Variants in AIG1 observed in about 807,000 individuals in gnomAD.
The protein encoded by AIG1 is androgen induced 1.
AIG1 carries 23 observed loss-of-function variants against 31.4 expected under a neutral mutation model. The observed-to-expected ratio is 0.73, with a 90% CI of 0.53 to 1.04. The LOEUF is 1.04. Ranked by LOEUF, AIG1 falls within the 50% of genes least tolerant of loss-of-function variation. The pLI, the probability that AIG1 is intolerant of heterozygous loss-of-function variation, is 0.00. For synonymous variants in AIG1, 100 were observed against 110.5 expected, an observed-to-expected ratio of 0.90 and a Z score of 0.60; for missense variants, 274 against 295.0, an observed-to-expected ratio of 0.93 and a Z score of 0.52.
chr6:143,176,273 G>A (rs977601777), intron 3 of AIG1, among the ~76,000 whole-genome samples: 3 of 152,180 alleles, frequency 2.0e-5, no homozygotes, highest in African/African-American at 7.2e-5. Flanking sequence ...TTTTGTGTTG[G>A]TTGGCCTCCA....
intron 2 of AIG1, among the ~76,000 whole-genome samples, chr6:143,159,523 C>T (rs749356787): frequency 9.2e-5 from 14 of 152,178 alleles, no homozygotes; most frequent in Non-Finnish European, 1.8e-4. Flanking sequence ...GGGCAGAATT[C>T]ATAGCATAAA....
chr6:143,076,857 G>A (rs1009884509), intron 1 of AIG1, among the ~76,000 whole-genome samples: 1 of 152,148 alleles, frequency 6.6e-6, no homozygotes, highest in Non-Finnish European at 1.5e-5. Flanking sequence ...ATTTTTGGTA[G>A]AGACAGGGTT....
At chr6:143,147,481 G>T (rs909225606) in intron 2 of AIG1, among the ~76,000 whole-genome samples, 5 of 152,038 alleles carry the variant, frequency 3.3e-5, no homozygotes, top group Non-Finnish European at 7.4e-5. Context: ...AGACTGCATT[G>T]ATACACGCAC....
rs891380082 is a variant in AIG1, at chr6:143,326,476, A to T, written c.516-6806A>T. On this transcript the variant is annotated intron_variant, in intron 4 of 5. Transcript: ENST00000357847. The surrounding 1 kb of genome is among the most constrained non-coding windows in gnomAD (Gnocchi z 4.5). The stretch of plus-strand genomic sequence containing the variant: ...CTTCTAGTGTGTGACAGGCATTCTG[A>T]TAAGTGCTGAGGATCCAAGGAGAGG... Among the ~76,000 whole-genome samples the T allele has an allele frequency of 2.0e-5, 3 of 152,164 alleles. No homozygotes were observed.
At position 143,297,097 on chromosome 6, in the gene AIG1, G is replaced by GA. The variant is rs58961434; in HGVS notation, c.515+12876dup. Among the ~76,000 whole-genome samples, 41,477 of 152,062 alleles carry GA rather than the reference G, an allele frequency of 0.27. 7,324 individuals are homozygous for GA. The highest frequency in any genetic ancestry group is 0.5 in the African/African-American group (20,635 of 41,418). Reference sequence around the variant, plus strand: ...AGTTGATAACTGCTATTTGCAAGAGGAAAATAGAGTCTACGGAAGGTTCTC... The same window carrying GA: ...AGTTGATAACTGCTATTTGCAAGAGGAAAAATAGAGTCTACGGAAGGTTCTC... On this transcript the variant is annotated intron_variant, in intron 4 of 5. Transcript: ENST00000357847. This position sits in a 1 kb window ranked among gnomAD's most constrained non-coding sequence, Gnocchi z 5.1.
chr6:143,181,012 C>A (rs907567341), intron 3 of AIG1, among the ~76,000 whole-genome samples: 2 of 152,110 alleles, frequency 1.3e-5, no homozygotes, highest in African/African-American at 2.4e-5. Flanking sequence ...TGATGTTATT[C>A]TTTTGGTAGA....
chr6:143,126,846 T>G (rs1351988767), intron 1 of AIG1, among the ~76,000 whole-genome samples: 1 of 152,162 alleles, frequency 6.6e-6, no homozygotes, highest in Non-Finnish European at 1.5e-5. Flanking sequence ...TATGTATGTT[T>G]TATATGTACA....
chr6:143,183,196 C>CTTT (rs35379724), intron 3 of AIG1, among the ~76,000 whole-genome samples: 5 of 132,868 alleles, frequency 3.8e-5, no homozygotes, highest in African/African-American at 5.6e-5. Context: ...CGGACAATGG[C>CTTT]TTTTTTTTTT....
At chr6:143,177,714 C>G (rs1788302321) in intron 3 of AIG1, among the ~76,000 whole-genome samples, 1 of 152,274 alleles carries the variant, frequency 6.6e-6, no homozygotes, top group Middle Eastern at 3.4e-3. Flanking sequence ...GCAGGTCTAC[C>G]ACTGGAGTGG....
chr6:143,157,271 G>T lies in AIG1; in HGVS notation c.298-7811G>T, dbSNP rs1364983834. 3.3e-5 allele frequency among the ~76,000 whole-genome samples: 5 copies of T among 152,166 alleles called. No homozygotes were observed. The East Asian group carries it at 9.6e-4, about 29-fold the overall frequency. ...TCTCTGAAGGTGTAGGCCCTCTGCGGGCCAGGCTCCTCTGGCTTAATTTCC... is the reference window on the plus strand; with the variant it reads ...TCTCTGAAGGTGTAGGCCCTCTGCGTGCCAGGCTCCTCTGGCTTAATTTCC... On this transcript the variant is annotated intron_variant, in intron 2 of 5. Coordinates refer to ENST00000357847, the MANE Select transcript of AIG1 (RefSeq NM_016108.4).
At chr6:143,159,331 G>A (rs1378641251) in intron 2 of AIG1, among the ~76,000 whole-genome samples, 1 of 152,196 alleles carries the variant, frequency 6.6e-6, no homozygotes, top group East Asian at 1.9e-4. Flanking sequence ...TAGGAGCTGG[G>A]TTTGTATTCT....
chr6:143,094,838 G>A (rs1779610708), intron 1 of AIG1, among the ~76,000 whole-genome samples: 1 of 151,974 alleles, frequency 6.6e-6, no homozygotes, highest in South Asian at 2.1e-4. Context: ...AAGAACACCA[G>A]TGAAAATTAT....
chr6:143,267,245 G>A (rs1796220326), intron 3 of AIG1, among the ~76,000 whole-genome samples: 1 of 152,052 alleles, frequency 6.6e-6, no homozygotes, highest in Admixed American at 6.6e-5. Flanking sequence ...GTTGGAGAAG[G>A]GCTTGTTAGA....
chr6:143,242,968 G>T (rs148840297), intron 3 of AIG1, among the ~76,000 whole-genome samples: 5 of 152,104 alleles, frequency 3.3e-5, no homozygotes, highest in African/African-American at 1.2e-4. Flanking sequence ...TGAGACTAGC[G>T]CCTATCTGAT....
intron 1 of AIG1, among the ~76,000 whole-genome samples, chr6:143,111,597 A>C (rs1781281622): frequency 6.6e-6 from 1 of 152,164 alleles, no homozygotes; most frequent in South Asian, 2.1e-4. Context: ...ACGTTTTTGA[A>C]AGCTTATCCT....
rs1777778780 is a variant in AIG1, at chr6:143,339,812, T to A, written c.*136T>A. On this transcript the variant is annotated 3_prime_UTR_variant, in exon 6 of 6. Coordinates refer to ENST00000357847, the MANE Select transcript of AIG1 (RefSeq NM_016108.4). ...CCCCCCTCCCCCAATGAGGACACCT[T>A]TTATATATAAATATGTATAAACATA... 1.4e-6 allele frequency: 1 copy of A among 711,634 alleles called. No homozygotes were observed. The highest frequency in any genetic ancestry group is 1.8e-5 in the African/African-American group (1 of 54,768). The allele number at this position is 711,634 out of a possible 1,614,324, so 44.1% of individuals were successfully genotyped here.
intron 3 of AIG1, chr6:143,186,872 T>C (rs755784010): frequency 2.7e-4 from 43 of 160,886 alleles, no homozygotes; most frequent in Non-Finnish European, 4.6e-4. Flanking sequence ...TGTACTGAGC[T>C]CTACTCATAG....
intron 3 of AIG1, among the ~76,000 whole-genome samples, chr6:143,254,173 A>G (rs977266741): frequency 6.6e-6 from 1 of 152,168 alleles, no homozygotes; most frequent in Non-Finnish European, 1.5e-5. Context: ...AGTTCTTGGT[A>G]ATTACAGAGA....
At chr6:143,178,153 A>G (rs928832805) in intron 3 of AIG1, among the ~76,000 whole-genome samples, 2 of 152,006 alleles carry the variant, frequency 1.3e-5, no homozygotes, top group Non-Finnish European at 2.9e-5. Flanking sequence ...ACTGTATTAG[A>G]CTGCCTGTTT....
Sources: allele counts gnomAD v4.1 joint callset (sites outside exome capture counted in the v4.1 genomes callset), GRCh38; gene constraint gnomAD v4.1.1; non-coding constraint Gnocchi (gnomAD v3.1); transcripts MANE v1.5; gene names NCBI Gene and HGNC (gene_info 2026-07-23, HGNC 2026-07-21).